Variants in DOCK9 observed in about 807,000 individuals in gnomAD.
The protein encoded by DOCK9 is dedicator of cytokinesis protein 9.
DOCK9 carries 89 observed loss-of-function variants against 263.3 expected under a neutral mutation model. The ratio of observed to expected loss-of-function variants is 0.34; its 90% confidence interval spans 0.28 to 0.40. DOCK9 has a LOEUF of 0.40. Ranked by LOEUF, DOCK9 falls within the 10% of genes least tolerant of loss-of-function variation. The pLI is 1.00. For synonymous variants in DOCK9, 976 were observed against 973.1 expected (o/e 1.00, Z -0.06); for missense variants, 2,140 against 2,603.4 (o/e 0.82, Z 3.87).
At chr13:98,974,027 A>C (rs2059985286) in intron 1 of DOCK9, among the ~76,000 whole-genome samples, 1 of 152,204 alleles carries the variant, frequency 6.6e-6, no homozygotes, top group Non-Finnish European at 1.5e-5. Flanking sequence ...TCACAAAAGG[A>C]ACCCAATGAA....
chr13:99,026,494 A>C (rs1285868753), intron 1 of DOCK9, among the ~76,000 whole-genome samples: 4 of 152,238 alleles, frequency 2.6e-5, no homozygotes, highest in African/African-American at 7.2e-5. Flanking sequence ...TGATTTCTTC[A>C]TCAAGAGCCA....
intron 23 of DOCK9, 83 bp from the exon 24 acceptor site, chr13:98,882,090 A>T: frequency 8.9e-7 from 1 of 1,125,984 alleles, no homozygotes; most frequent in Non-Finnish European, 1.3e-6. Flanking sequence ...CCAAACAAGG[A>T]TGGAAGAACT....
At chr13:98,985,959 T>G (rs908105913) in intron 1 of DOCK9, among the ~76,000 whole-genome samples, 1 of 152,220 alleles carries the variant, frequency 6.6e-6, no homozygotes. Context: ...AAGCTAGAAT[T>G]TTCTCACTTT....
intron 1 of DOCK9, among the ~76,000 whole-genome samples, chr13:99,055,080 C>T (rs1188249608): frequency 6.6e-6 from 1 of 152,128 alleles, no homozygotes; most frequent in Non-Finnish European, 1.5e-5. Flanking sequence ...CTTGAATGAA[C>T]ATATGAATGA....
At position 98,794,542 on chromosome 13, in the gene DOCK9, G is replaced by C; in HGVS notation, c.*84C>G. On this transcript the variant is annotated 3_prime_UTR_variant, in exon 53 of 53. Transcript: ENST00000682017. ...CTTCCCCTTGGTCCTCCCTGTGCTCGGTCTCCCCAGTGATTGGCTTTGGAA... is the reference window on the plus strand; with the variant it reads ...CTTCCCCTTGGTCCTCCCTGTGCTCCGTCTCCCCAGTGATTGGCTTTGGAA... 6.9e-7 allele frequency: 1 copy of C among 1,441,012 alleles called. No individual in the cohort carries two copies. Among genetic ancestry groups the C allele is most frequent in the South Asian group, 1.4e-5 (1 of 72,826 alleles). 89.3% of individuals were successfully genotyped at this position (1,441,012 alleles called of 1,614,324 possible).
chr13:98,952,766 C>T (rs2057591728), intron 2 of DOCK9, among the ~76,000 whole-genome samples: 1 of 152,168 alleles, frequency 6.6e-6, no homozygotes, highest in Admixed American at 6.5e-5. Context: ...ACTATCCATG[C>T]TTATATTTTA....
chr13:98,941,337 C>A (rs530548348), intron 2 of DOCK9, among the ~76,000 whole-genome samples: 1 of 152,180 alleles, frequency 6.6e-6, no homozygotes, highest in Non-Finnish European at 1.5e-5. Flanking sequence ...CCAAATGAGA[C>A]AGCGTCTCAG....
At chr13:98,982,604 A>G (rs1463463916), upstream of DOCK9, among the ~76,000 whole-genome samples, 1 of 152,244 alleles carries the variant, frequency 6.6e-6, no homozygotes, top group Non-Finnish European at 1.5e-5. Context: ...CTTAGGGACT[A>G]AAAGCACTCA....
intron 45 of DOCK9, among the ~76,000 whole-genome samples, chr13:98,819,864 G>A (rs1212518194): frequency 1.3e-5 from 2 of 152,180 alleles, no homozygotes; most frequent in Non-Finnish European, 2.9e-5. Context: ...GCTTCTTACT[G>A]GCAACTATTC....
chr13:99,048,549 C>T (rs2040542718), intron 1 of DOCK9, among the ~76,000 whole-genome samples: 1 of 152,214 alleles, frequency 6.6e-6, no homozygotes. Flanking sequence ...CCCTGCTCCT[C>T]GGAGGCAATT....
intron 1 of DOCK9, among the ~76,000 whole-genome samples, chr13:99,023,636 G>A (rs1193439298): frequency 6.6e-6 from 1 of 152,204 alleles, no homozygotes; most frequent in Non-Finnish European, 1.5e-5. Flanking sequence ...TAAATCTTAT[G>A]TTACAGGTAT....
rs184005233 is a variant in DOCK9 at position 98,876,231 on chromosome 13, C to G, written c.2943+3667G>C. 1.8e-3 allele frequency among the ~76,000 whole-genome samples: 281 copies of G among 152,294 alleles called. 2 individuals carry two copies. Among genetic ancestry groups the G allele is most frequent in the South Asian group, 1.0e-2 (48 of 4,816 alleles). ...CCTTGGCTGGGCGCGGTGGCTCACG[C>G]CTGTAATCCCAGCACTTTAGGAGGC... On this transcript the variant is annotated intron_variant, in intron 27 of 52. Transcript: ENST00000682017.
chr13:98,890,991 G>A lies in DOCK9; in HGVS notation c.1710-2280C>T, dbSNP rs936167597. ...TGATTTTTCACATGTTCCGCCTTCCGTTGAAAAGATGTCTGGCCAAGAGCT... is the reference window on the plus strand; with the variant it reads ...TGATTTTTCACATGTTCCGCCTTCCATTGAAAAGATGTCTGGCCAAGAGCT... On this transcript the variant is annotated intron_variant, in intron 15 of 52. Transcript: ENST00000682017. 7.2e-5 allele frequency among the ~76,000 whole-genome samples: 11 copies of A among 152,152 alleles called. No homozygotes were observed. The East Asian group carries it at 7.7e-4, about 11-fold the overall frequency.
intron 27 of DOCK9, among the ~76,000 whole-genome samples, chr13:98,873,442 C>T (rs1225004992): frequency 6.6e-6 from 1 of 152,222 alleles, no homozygotes; most frequent in African/African-American, 2.4e-5. Flanking sequence ...TCTCTTCCCT[C>T]TCATGGTAAT....
intron 24 of DOCK9, 98 bp from the exon 25 acceptor site, chr13:98,881,725 A>G: frequency 2.2e-6 from 3 of 1,338,984 alleles, no homozygotes; most frequent in Non-Finnish European, 3.1e-6. Context: ...TGCTATCAGC[A>G]CTTAGGAAAC....
chr13:98,888,246 A>G (rs2274643), intron 17 of DOCK9, 23 bp from the exon 18 acceptor site: 923,887 of 1,605,090 alleles, frequency 0.58, 269,571 homozygotes, highest in Non-Finnish European at 0.6. Context: ...ACAAAACAGA[A>G]TAAGAAAAAA....
chr13:98,877,480 G>A (rs1205559704), intron 27 of DOCK9, among the ~76,000 whole-genome samples: 1 of 152,130 alleles, frequency 6.6e-6, no homozygotes, highest in African/African-American at 2.4e-5. Flanking sequence ...GCAGTCATAA[G>A]GCAGAAAAGC....
At chr13:99,033,407 C>G (rs889078431) in intron 1 of DOCK9, among the ~76,000 whole-genome samples, 2 of 152,182 alleles carry the variant, frequency 1.3e-5, no homozygotes, top group Non-Finnish European at 2.9e-5. Flanking sequence ...GAAACTACTG[C>G]CCCAAGGAGG....
At chr13:98,907,538 G>A (rs2049307602) in intron 9 of DOCK9, among the ~76,000 whole-genome samples, 1 of 152,188 alleles carries the variant, frequency 6.6e-6, no homozygotes, top group Admixed American at 6.5e-5. Context: ...AAAGCATTCT[G>A]ATTTTGTCAC....
Sources: allele counts gnomAD v4.1 joint callset (sites outside exome capture counted in the v4.1 genomes callset), GRCh38; gene constraint gnomAD v4.1.1; transcripts MANE v1.5; gene names NCBI Gene and HGNC (gene_info 2026-07-23, HGNC 2026-07-21).